SDSL: variants seen among roughly 807,000 people sequenced by gnomAD.
The protein encoded by SDSL is serine dehydratase like, also known as serine dehydratase-like.
Under a neutral mutation model 27.6 loss-of-function variants are expected in SDSL, and 26 were observed. The observed-to-expected ratio is 0.94, with a 90% CI of 0.69 to 1.31. SDSL has a LOEUF of 1.31. Ranked by LOEUF, SDSL falls within the 50% of genes most tolerant of loss-of-function variation. The pLI is 0.00. For synonymous variants in SDSL, 196 were observed against 180.6 expected (o/e 1.09, Z -0.69); for missense variants, 431 against 423.5 (o/e 1.02, Z -0.16).
Position 113,428,043 on chromosome 12 carries a change from T to C in SDSL, c.61T>C (p.Leu21=). ...GCCCTTTCACGTGGTCACACCTCTG[T>C]TGGAGAGCTGGGCGCTGTCCCAGGT... ...QEPFHVVTPL[L]ESWALSQVAG... Residue 21 remains leucine, a synonymous_variant, in exon 2 of 8, where the codon TTG becomes CTG. Coordinates refer to ENST00000403593, the MANE Select transcript of SDSL (RefSeq NM_001304993.2). 1.2e-6 allele frequency: 2 copies of C among 1,614,006 alleles called. No individual in the cohort carries two copies. The highest frequency in any genetic ancestry group is 1.7e-6 in the Non-Finnish European group (2 of 1,179,972).
At chr12:113,437,811 C>A in intron 7 of SDSL, 75 bp from the exon 8 acceptor site, 1 of 1,327,208 alleles carries the variant, frequency 7.5e-7, no homozygotes, top group Non-Finnish European at 1.0e-6. Flanking sequence ...AAGGATCTGC[C>A]GTGCCCAGGG....
At chr12:113,435,994 G>A (rs1238564983) in intron 6 of SDSL, among the ~76,000 whole-genome samples, 2 of 152,208 alleles carry the variant, frequency 1.3e-5, no homozygotes, top group South Asian at 2.1e-4. Flanking sequence ...GGTAGCGCAC[G>A]CCTGTAGTCC....
At chr12:113,425,973 C>G (rs1434830979) in intron 1 of SDSL, among the ~76,000 whole-genome samples, 1 of 151,958 alleles carries the variant, frequency 6.6e-6, no homozygotes, top group Non-Finnish European at 1.5e-5. Context: ...TGGGCAAGAG[C>G]GAGACTCCCT....
chr12:113,435,250 G>A (rs1328690410), intron 5 of SDSL, 79 bp from the exon 6 acceptor site: 5 of 988,644 alleles, frequency 5.1e-6, no homozygotes, highest in Non-Finnish European at 7.2e-6. Flanking sequence ...CCCACCCCTG[G>A]TAAATTCCCC....
At chr12:113,432,257 TTTC>T (rs1366761731) in intron 4 of SDSL, among the ~76,000 whole-genome samples, 25 of 142,900 alleles carry the variant, frequency 1.7e-4, no homozygotes, top group Admixed American at 3.5e-4. Flanking sequence ...TCTTTCTTTC[TTTC>T]TTTCTTTCTT....
chr12:113,427,935 G>A (rs1198944367), intron 1 of SDSL, 27 bp from the exon 2 acceptor site: 1 of 1,570,656 alleles, frequency 6.4e-7, no homozygotes, highest in Non-Finnish European at 8.6e-7. Context: ...GGGACTGCCT[G>A]GGTGGTGACT....
intron 4 of SDSL, among the ~76,000 whole-genome samples, chr12:113,432,245 TTTCTTTCTTTCTTTCTTTC>T (rs1445224594): frequency 2.9e-5 from 4 of 139,030 alleles, no homozygotes; most frequent in Non-Finnish European, 6.2e-5. Context: ...TCTTTCTTTC[TTTCTTTCTTTCTTTCTTTC>T]TTTCTTTCTT....
chr12:113,438,150 C>A lies in SDSL; in HGVS notation c.*71C>A. The A allele has an allele frequency of 7.5e-7, 1 of 1,334,738 alleles. No homozygotes were observed. The highest frequency in any genetic ancestry group is 1.0e-6 in the Non-Finnish European group (1 of 968,916). 82.7% of individuals were successfully genotyped at this position (1,334,738 alleles called of 1,614,324 possible). On this transcript the variant is annotated 3_prime_UTR_variant, in exon 8 of 8. Transcript: ENST00000403593. ...GTCCTGTGTCTGGATGAGGAGGACT[C>A]AGTGCTGGCAGATGGCAGTGGAAGC...
In SDSL at chr12:113,434,172, CA is replaced by C; in HGVS notation, c.395del (p.Lys132ArgfsTer15). 3.1e-6 allele frequency: 5 copies of C among 1,613,802 alleles called. No individual in the cohort carries two copies. The highest frequency in any genetic ancestry group is 4.2e-6 in the Non-Finnish European group (5 of 1,179,800). On this transcript the variant is annotated frameshift_variant, in exon 5 of 8. Transcript: ENST00000403593. LOFTEE classifies it high-confidence loss of function. Reference sequence around the variant, plus strand: ...CCAATCTGAGGGCGCAAGAGTTGGCCAAGAGGGACGGCTGGGAGAATGTCCC... The same window carrying C: ...CCAATCTGAGGGCGCAAGAGTTGGCCAGAGGGACGGCTGGGAGAATGTCCC... Reference protein sequence around the residue: ...EANLRAQELAKRDGWENVPPF... With the variant: ...EANLRAQELAXRDGWENVPPF...
chr12:113,428,821 A>G (rs1466770934), intron 3 of SDSL, among the ~76,000 whole-genome samples: 1 of 152,026 alleles, frequency 6.6e-6, no homozygotes, highest in African/African-American at 2.4e-5. Flanking sequence ...CATGGTAGCA[A>G]GATGGCCACC....
At chr12:113,424,781 G>C (rs1340862283) in intron 1 of SDSL, among the ~76,000 whole-genome samples, 1 of 151,558 alleles carries the variant, frequency 6.6e-6, no homozygotes, top group Non-Finnish European at 1.5e-5. Flanking sequence ...TGTTGCCCAG[G>C]CTGGAGAACA....
intron 2 of SDSL, 33 bp from the exon 3 acceptor site, chr12:113,428,387 G>A (rs1013341690): frequency 1.2e-5 from 19 of 1,602,804 alleles, no homozygotes; most frequent in Admixed American, 1.7e-5. Context: ...ACCTGCTTGG[G>A]TTAGCCGCTA....
At chr12:113,425,672 C>T (rs1304932777) in intron 1 of SDSL, 1 of 455,906 alleles carries the variant, frequency 2.2e-6, no homozygotes, top group African/African-American at 2.0e-5. Context: ...ACCCACTGGT[C>T]CATTCACACA....
chr12:113,426,375 G>A, intron 1 of SDSL: 1 of 368,088 alleles, frequency 2.7e-6, no homozygotes, highest in Non-Finnish European at 5.6e-6. Context: ...TTCAAACCGT[G>A]AAAAACCCCA....
Position 113,425,683 on chromosome 12 carries a change from C to T in SDSL, c.-21-2279C>T, listed in dbSNP as rs528146941. ...CCTTACCCACTGGTCCATTCACACA[C>T]AGCTCCTCGGCTTCAAACCTCTCAA... On this transcript the variant is annotated intron_variant, in intron 1 of 7. Coordinates refer to ENST00000403593, the MANE Select transcript of SDSL (RefSeq NM_001304993.2). The T allele has an allele frequency of 1.8e-3, 812 of 455,966 alleles. 11 individuals are homozygous for T. Among genetic ancestry groups the T allele is most frequent in the South Asian group, 8.1e-3 (525 of 64,538 alleles). 28.2% of individuals were successfully genotyped at this position (455,966 alleles called of 1,614,324 possible). A position where few individuals can be genotyped will look rare whatever the true frequency, so the allele number is the denominator to read the frequency against.
Position 113,425,613 on chromosome 12 carries a change from C to G in SDSL, c.-21-2349C>G, listed in dbSNP as rs563556737. 91 of 444,708 alleles carry G rather than the reference C, an allele frequency of 2.0e-4. 1 individual carries two copies. The highest frequency in any genetic ancestry group is 1.4e-3 in the South Asian group (87 of 62,792). 27.5% of individuals were successfully genotyped at this position (444,708 alleles called of 1,614,324 possible). A position where few individuals can be genotyped will look rare whatever the true frequency, so the allele number is the denominator to read the frequency against. ...GCTGTATTTTTTCCTTTTTTTTTCTCTACTATTTTTCCTCCCTCTCATTTC... is the reference window on the plus strand; with the variant it reads ...GCTGTATTTTTTCCTTTTTTTTTCTGTACTATTTTTCCTCCCTCTCATTTC... On this transcript the variant is annotated intron_variant, in intron 1 of 7. Coordinates refer to ENST00000403593, the MANE Select transcript of SDSL (RefSeq NM_001304993.2).
At chr12:113,428,235 G>C in intron 2 of SDSL, 79 bp downstream of exon 2, 1 of 1,430,882 alleles carries the variant, frequency 7.0e-7, no homozygotes, top group African/African-American at 1.4e-5. Context: ...GCTGGGGACG[G>C]GTTCGGGCAG....
chr12:113,436,256 G>A (rs1476445782), intron 6 of SDSL, among the ~76,000 whole-genome samples: 1 of 150,960 alleles, frequency 6.6e-6, no homozygotes, highest in South Asian at 2.1e-4. Flanking sequence ...CTCTATTTCC[G>A]AGTAAGATCA....
chr12:113,428,503 G>A, intron 3 of SDSL, 44 bp downstream of exon 3: 7 of 1,583,696 alleles, frequency 4.4e-6, no homozygotes, highest in Non-Finnish European at 6.0e-6. Flanking sequence ...GTTGGGGGAG[G>A]AGGAATAGGC....
Sources: allele counts gnomAD v4.1 joint callset (sites outside exome capture counted in the v4.1 genomes callset), GRCh38; gene constraint gnomAD v4.1.1; transcripts MANE v1.5; gene names NCBI Gene and HGNC (gene_info 2026-07-23, HGNC 2026-07-21).